The following PRSS35 variants were observed in gnomAD, a reference collection of about 807,000 sequenced individuals.
PRSS35 encodes inactive serine protease 35.
Under a neutral mutation model 8.1 loss-of-function variants are expected in PRSS35, and 7 were observed. The ratio of observed to expected loss-of-function variants is 0.86; its 90% CI spans 0.49 to 1.62. The LOEUF (loss-of-function observed/expected upper bound fraction) is 1.62. Among genes scored for constraint, PRSS35 ranks in the 40% most tolerant of loss-of-function variants. The probability of loss-of-function intolerance (pLI) is 0.00; values close to 1 mark genes in which losing one functional copy is unlikely to be tolerated. For missense variants in PRSS35, 566 were observed against 518.0 expected, an observed-to-expected ratio of 1.09 and a Z score of -0.90; for synonymous variants, 199 against 188.7, an observed-to-expected ratio of 1.05 and a Z score of -0.45.
chr6:83,523,766 C>A lies in PRSS35; in HGVS notation c.325C>A (p.Gln109Lys), dbSNP rs2127714002. 6.2e-7 allele frequency: 1 copy of A among 1,614,138 alleles called. No individual in the cohort carries two copies. The highest frequency in any genetic ancestry group is 2.2e-5 in the East Asian group (1 of 44,876). Residue 109 changes from glutamine to lysine, a missense_variant, in exon 2 of 2, where the codon CAA becomes AAA. By Grantham distance (53) the Gln-to-Lys change is moderately conservative. Coordinates refer to ENST00000369700, the MANE Select transcript of PRSS35 (RefSeq NM_153362.3). ...TCAAGATTTGGTTCTTGAGCCGACT[C>A]AAAATATCACCACAAAGGGAGTATC... is the stretch of plus-strand genomic sequence containing the variant. ...KVQDLVLEPT[Q>K]NITTKGVSVR...
intron 1 of PRSS35, among the ~76,000 whole-genome samples, chr6:83,513,201 G>A (rs536254113): frequency 6.6e-6 from 1 of 152,262 alleles, no homozygotes; most frequent in East Asian, 1.9e-4. Context: ...AAAAGTGTGT[G>A]GGGTGGTGAT....
At chr6:83,522,973 T>A (rs1246281792) in intron 1 of PRSS35, among the ~76,000 whole-genome samples, 1 of 152,208 alleles carries the variant, frequency 6.6e-6, no homozygotes, top group Admixed American at 6.5e-5. Flanking sequence ...GAAGTTATGA[T>A]CCCTATTTTT....
intron 1 of PRSS35, among the ~76,000 whole-genome samples, chr6:83,520,566 A>G (rs1275406666): frequency 6.6e-6 from 1 of 152,194 alleles, no homozygotes; most frequent in African/African-American, 2.4e-5. Context: ...TGCTGTGAGA[A>G]TGTGAACGTG....
chr6:83,516,066 A>C (rs1171111), intron 1 of PRSS35, among the ~76,000 whole-genome samples: 111,847 of 151,110 alleles, frequency 0.74, 41,527 homozygotes, highest in East Asian at 0.86. Context: ...CCGCCCACCT[A>C]GGCCTCCCAA....
At chr6:83,514,593 A>T (rs1771678897) in intron 1 of PRSS35, among the ~76,000 whole-genome samples, 1 of 152,202 alleles carries the variant, frequency 6.6e-6, no homozygotes, top group African/African-American at 2.4e-5. Context: ...CTTGCCATTT[A>T]TTCTCAGCCT....
In PRSS35 at chr6:83,524,908, G is replaced by A. The variant is rs891083176; in HGVS notation, c.*225G>A. 28 of 465,548 alleles carry A rather than the reference G, an allele frequency of 6.0e-5. No homozygotes were observed. In the Admixed American group the frequency reaches 8.2e-4, roughly 14 times the overall value. 28.8% of individuals were successfully genotyped at this position (465,548 alleles called of 1,614,324 possible). ...CCAAGTATATACTCTTCTTTACATG[G>A]TGATGAGTTTCATTTGTAGAAAAAT... On this transcript the variant is annotated 3_prime_UTR_variant, in exon 2 of 2. Coordinates refer to ENST00000369700, the MANE Select transcript of PRSS35 (RefSeq NM_153362.3).
At chr6:83,517,610 A>C (rs770901118) in intron 1 of PRSS35, among the ~76,000 whole-genome samples, 1 of 152,158 alleles carries the variant, frequency 6.6e-6, no homozygotes, top group Non-Finnish European at 1.5e-5. Context: ...GCAGTTATTC[A>C]GAATCATCTG....
At chr6:83,517,397 G>A (rs933885650) in intron 1 of PRSS35, among the ~76,000 whole-genome samples, 9 of 152,144 alleles carry the variant, frequency 5.9e-5, no homozygotes, top group African/African-American at 1.9e-4. Flanking sequence ...GTCAGGGAGC[G>A]CCTCAGTGGA....
intron 1 of PRSS35, among the ~76,000 whole-genome samples, chr6:83,514,620 T>C (rs952290116): frequency 6.6e-6 from 1 of 152,224 alleles, no homozygotes; most frequent in African/African-American, 2.4e-5. Flanking sequence ...AGTGGAGAGC[T>C]TATCCTTTAG....
intron 1 of PRSS35, among the ~76,000 whole-genome samples, chr6:83,516,467 T>C (rs562237174): frequency 6.7e-6 from 1 of 148,688 alleles, no homozygotes; most frequent in Admixed American, 6.8e-5. Context: ...TCCCAGCTAC[T>C]GGGGAGGCTG....
Position 83,524,116 on chromosome 6 carries a change from G to C in PRSS35, c.675G>C (p.Glu225Asp), listed in dbSNP as rs955444017. Reference sequence around the variant, plus strand: ...AGGGTACCAGAGAGCATCTGCGGGAGAGAGCGAAGGGTGGGAGAAGAAGAA... The same window carrying C: ...AGGGTACCAGAGAGCATCTGCGGGACAGAGCGAAGGGTGGGAGAAGAAGAA... Reference protein sequence around the residue: ...QREGTREHLRERAKGGRRRKK... With the variant: ...QREGTREHLRDRAKGGRRRKK... The change falls in exon 2 of 2, where the codon GAG (glutamate) becomes GAC (aspartate). Residue 225 changes from glutamate (E) to aspartate (D), a missense_variant. Coordinates refer to ENST00000369700, the MANE Select transcript of PRSS35 (RefSeq NM_153362.3). 13 of 1,614,018 alleles carry C rather than the reference G, an allele frequency of 8.1e-6. No individual in the cohort carries two copies. The Admixed American group carries it at 1.3e-4, about 17-fold the overall frequency.
At chr6:83,513,236 T>C (rs1021234568) in intron 1 of PRSS35, among the ~76,000 whole-genome samples, 2 of 152,218 alleles carry the variant, frequency 1.3e-5, no homozygotes, top group African/African-American at 4.8e-5. Flanking sequence ...TGGCAAAATA[T>C]TGACAATAGT....
At position 83,523,578 on chromosome 6, in the gene PRSS35, C is replaced by G; in HGVS notation, c.137C>G (p.Thr46Ser). 6.2e-7 allele frequency: 1 copy of G among 1,614,172 alleles called. No individual in the cohort carries two copies. ...GTCAGTGAAAGGACTTTCCATCTCA[C>G]CAGCCCCGCATTTGAGGCAGATGCT... ...RIVSERTFHL[T>S]SPAFEADAKM... The change falls in exon 2 of 2, where the codon ACC (threonine) becomes AGC (serine). Residue 46 changes from threonine to serine, a missense_variant. Physicochemically the swap from Thr to Ser is moderately conservative, Grantham distance 58. Transcript: ENST00000369700.
At position 83,524,806 on chromosome 6, in the gene PRSS35, T is replaced by G; in HGVS notation, c.*123T>G. 9.1e-7 allele frequency: 1 copy of G among 1,095,362 alleles called. No individual in the cohort carries two copies. The highest frequency in any genetic ancestry group is 1.9e-5 in the South Asian group (1 of 52,444). The allele number at this position is 1,095,362 out of a possible 1,614,324, so 67.9% of individuals were successfully genotyped here. On this transcript the variant is annotated 3_prime_UTR_variant, in exon 2 of 2. Coordinates refer to ENST00000369700, the MANE Select transcript of PRSS35 (RefSeq NM_153362.3). ...AACTCTGTCAATAGCATTTCAACAT[T>G]TTTCAAAATCAGGAGATTTTCGTCC...
At chr6:83,516,040 C>A (rs1313224542) in intron 1 of PRSS35, among the ~76,000 whole-genome samples, 5 of 151,774 alleles carry the variant, frequency 3.3e-5, no homozygotes. Context: ...GTCTGGAACT[C>A]CTCACCTCAA....
intron 1 of PRSS35, among the ~76,000 whole-genome samples, chr6:83,514,785 CTA>C (rs1455692757): frequency 6.6e-6 from 1 of 152,208 alleles, no homozygotes; most frequent in Non-Finnish European, 1.5e-5. Flanking sequence ...TTTTGAAAAA[CTA>C]TCTGCCAGAA....
chr6:83,523,653 C>G lies in PRSS35; in HGVS notation c.212C>G (p.Pro71Arg), dbSNP rs573801680. The G allele has an allele frequency of 1.6e-5, 26 of 1,614,120 alleles. No individual in the cohort carries two copies. The Admixed American group carries it at 4.2e-4, about 26-fold the overall frequency. ...VCGIECQKEL[P>R]TPSLSELEDY... is the part of the protein sequence containing the mutation. ...GGCATCGAATGCCAGAAAGAACTCC[C>G]AACTCCCAGCCTTTCTGAATTGGAG... Residue 71 changes from proline (P) to arginine (R), a missense_variant, in exon 2 of 2, where the codon CCA becomes CGA. Physicochemically the swap from Pro to Arg is moderately radical, Grantham distance 103 (BLOSUM62 -2). Coordinates refer to ENST00000369700, the MANE Select transcript of PRSS35 (RefSeq NM_153362.3).
At chr6:83,518,909 AG>A (rs775755279) in intron 1 of PRSS35, among the ~76,000 whole-genome samples, 1 of 151,884 alleles carries the variant, frequency 6.6e-6, no homozygotes, top group Non-Finnish European at 1.5e-5. Context: ...TTTGCAGATG[AG>A]GAAAGTGAAA....
At chr6:83,520,830 G>C (rs1003429231) in intron 1 of PRSS35, among the ~76,000 whole-genome samples, 1 of 152,166 alleles carries the variant, frequency 6.6e-6, no homozygotes, top group African/African-American at 2.4e-5. Flanking sequence ...CAGGATAAAC[G>C]TAACTGGGGA....
Sources: allele counts gnomAD v4.1 joint callset (sites outside exome capture counted in the v4.1 genomes callset), GRCh38; gene constraint gnomAD v4.1.1; transcripts MANE v1.5; gene names NCBI Gene and HGNC (gene_info 2026-07-23, HGNC 2026-07-21).